Variants in TRAP1 observed in about 807,000 individuals in gnomAD.
The protein encoded by TRAP1 is TNF receptor associated protein 1, also known as heat shock protein 75 kDa, mitochondrial.
Under a neutral mutation model 89.1 loss-of-function variants are expected in TRAP1, and 102 were observed. The ratio of observed to expected loss-of-function variants is 1.15; its 90% CI spans 0.98 to 1.35. The LOEUF is 1.35. Among genes scored for constraint, TRAP1 ranks in the 40% most tolerant of loss-of-function variants. The pLI, the probability that TRAP1 is intolerant of heterozygous loss-of-function variation, is 0.00. For synonymous variants in TRAP1, 508 were observed against 388.0 expected, an observed-to-expected ratio of 1.31 and a Z score of -3.64; for missense variants, 1,256 against 945.3, an observed-to-expected ratio of 1.33 and a Z score of -4.31.
intron 16 of TRAP1, chr16:3,661,744 C>T (rs1033762832): frequency 2.1e-5 from 9 of 418,830 alleles, no homozygotes; most frequent in Non-Finnish European, 3.7e-5. Flanking sequence ...TAAAGCAAAA[C>T]GAGGACATGG....
chr16:3,675,027 G>C (rs534045245), intron 8 of TRAP1: 228 of 413,068 alleles, frequency 5.5e-4, no homozygotes, highest in Non-Finnish European at 9.2e-4. Flanking sequence ...CGGGGTGGCT[G>C]CACAGCTCTG....
intron 16 of TRAP1, chr16:3,661,037 T>G (rs2043045966): frequency 6.6e-6 from 1 of 152,158 alleles, no homozygotes; most frequent in African/African-American, 2.4e-5. Flanking sequence ...ACTTCATTTT[T>G]TAAAAAATTG....
chr16:3,697,855 C>A (rs1418815140), intron 1 of TRAP1, among the ~76,000 whole-genome samples: 1 of 150,646 alleles, frequency 6.6e-6, no homozygotes, highest in Non-Finnish European at 1.5e-5. Context: ...ATGGCGTGAT[C>A]TCGGCTCACT....
intron 1 of TRAP1, among the ~76,000 whole-genome samples, chr16:3,708,971 A>G (rs2051489068): frequency 6.6e-6 from 1 of 151,508 alleles, no homozygotes; most frequent in Admixed American, 6.6e-5. Flanking sequence ...GCCCGCCACC[A>G]TGCCCAGATA....
At chr16:3,664,163 G>T (rs761798323) in intron 13 of TRAP1, 111 bp downstream of exon 13, 36 of 1,219,878 alleles carry the variant, frequency 3.0e-5, no homozygotes, top group Non-Finnish European at 4.0e-5. Context: ...CTGACCCACT[G>T]TGCAGCCCTG....
chr16:3,695,536 G>GA (rs567047394), intron 1 of TRAP1, among the ~76,000 whole-genome samples: 1,393 of 74,286 alleles, frequency 0.019, 21 homozygotes, highest in Admixed American at 0.06. Context: ...ACTCTGTCTC[G>GA]AAAAAAAAAA....
chr16:3,682,628 G>T (rs1449143689), intron 4 of TRAP1, among the ~76,000 whole-genome samples: 1 of 152,092 alleles, frequency 6.6e-6, no homozygotes, highest in Non-Finnish European at 1.5e-5. Context: ...CCTGAGCTCA[G>T]ACAATCTGCC....
chr16:3,684,406 G>A (rs1219661569), intron 4 of TRAP1, among the ~76,000 whole-genome samples: 1 of 152,162 alleles, frequency 6.6e-6, no homozygotes, highest in Non-Finnish European at 1.5e-5. Flanking sequence ...CAGTAGATGA[G>A]ATGGAATGGC....
At chr16:3,694,008 A>G (rs572180530) in intron 1 of TRAP1, among the ~76,000 whole-genome samples, 48 of 152,070 alleles carry the variant, frequency 3.2e-4, no homozygotes, top group Admixed American at 7.2e-4. Flanking sequence ...CTCAAAAAAA[A>G]AAAAAAAAAG....
intron 16 of TRAP1, chr16:3,659,444 A>T (rs1213795030): frequency 1.3e-5 from 2 of 152,210 alleles, no homozygotes; most frequent in African/African-American, 4.8e-5. Flanking sequence ...GAAATGTTTC[A>T]TCATCTCAGA....
chr16:3,675,985 C>T lies in TRAP1; in HGVS notation c.814+51G>A, dbSNP rs1184856649. On this transcript the variant is annotated intron_variant, in intron 7 of 17. Transcript: ENST00000246957. ...AAAATGCCTGCTGACCTGGTGGCCT[C>T]CAGGCCACACATGGATCCCAGAGTG... The T allele has an allele frequency of 3.3e-6, 5 of 1,506,578 alleles. No individual in the cohort carries two copies. The Admixed American group carries it at 7.3e-5, about 22-fold the overall frequency. The allele number at this position is 1,506,578 out of a possible 1,614,324, so 93.3% of individuals were successfully genotyped here.
intron 4 of TRAP1, among the ~76,000 whole-genome samples, chr16:3,683,399 T>TC (rs2051098284): frequency 6.6e-6 from 1 of 151,828 alleles, no homozygotes; most frequent in South Asian, 2.1e-4. Flanking sequence ...TTTTTTTTTT[T>TC]TTTTGAGACG....
chr16:3,661,888 A>C lies in TRAP1; in HGVS notation c.1940+99T>G, dbSNP rs185540733. 116 of 1,424,432 alleles carry C rather than the reference A, an allele frequency of 8.1e-5. No individual in the cohort carries two copies. In the African/African-American group the frequency reaches 1.4e-3, roughly 17 times the overall value. The allele number at this position is 1,424,432 out of a possible 1,614,324, so 88.2% of individuals were successfully genotyped here. On this transcript the variant is annotated intron_variant, in intron 16 of 17. Transcript: ENST00000246957. ...AGTTACCCACATGTCCACAGGCCTC[A>C]CGCACTTTTCTTCTGTGTCACATTC...
rs577707137 is a variant in TRAP1, at chr16:3,675,259, G to A, written c.888+65C>T. The A allele has an allele frequency of 1.8e-4, 281 of 1,528,372 alleles. 3 individuals are homozygous for A. The Middle Eastern group carries it at 2.2e-3, about 12-fold the overall frequency. The allele number at this position is 1,528,372 out of a possible 1,614,324, so 94.7% of individuals were successfully genotyped here. On this transcript the variant is annotated intron_variant, in intron 8 of 17. Coordinates refer to ENST00000246957, the MANE Select transcript of TRAP1 (RefSeq NM_016292.3). Reference sequence around the variant, plus strand: ...CATCCCCTGGGCTCATCTCTTCTCCGCTGCCCTGAAACGTACAGATTTGTC... The same window carrying A: ...CATCCCCTGGGCTCATCTCTTCTCCACTGCCCTGAAACGTACAGATTTGTC...
chr16:3,663,449 C>T lies in TRAP1; in HGVS notation c.1683G>A (p.Glu561=), dbSNP rs1411551438. ...CTGGGGACCTGTCCTCAAACTTCTC[C>T]TCCTTGTAGTGATCCACGACTATGT... ...ETDIVVDHYK[E]EKFEDRSPAA... Residue 561 remains glutamate (E), a synonymous_variant, in exon 14 of 18, where the codon GAG becomes GAA. Transcript: ENST00000246957. 4.3e-6 allele frequency: 7 copies of T among 1,614,034 alleles called. No homozygotes were observed. Among genetic ancestry groups the T allele is most frequent in the South Asian group, 1.1e-5 (1 of 91,082 alleles).
chr16:3,708,410 G>T (rs137990287), intron 1 of TRAP1, among the ~76,000 whole-genome samples: 1 of 152,170 alleles, frequency 6.6e-6, no homozygotes, highest in African/African-American at 2.4e-5. Context: ...AGGCTGAGGC[G>T]GATGGATCAT....
chr16:3,708,558 A>G (rs2051482495), intron 1 of TRAP1, among the ~76,000 whole-genome samples: 1 of 151,866 alleles, frequency 6.6e-6, no homozygotes, highest in African/African-American at 2.4e-5. Context: ...AAATGCTTCA[A>G]CCTGGGAGAC....
At chr16:3,683,281 G>GA (rs1312540925) in intron 4 of TRAP1, among the ~76,000 whole-genome samples, 7 of 151,890 alleles carry the variant, frequency 4.6e-5, no homozygotes, top group Non-Finnish European at 8.8e-5. Flanking sequence ...TGCTGGGAGA[G>GA]AAAAAGGACA....
chr16:3,709,904 C>G (rs2051504634), intron 1 of TRAP1, among the ~76,000 whole-genome samples: 1 of 152,206 alleles, frequency 6.6e-6, no homozygotes, highest in Non-Finnish European at 1.5e-5. Context: ...CCCGCCTCAG[C>G]CTGCCAAAGT....
Sources: allele counts gnomAD v4.1 joint callset (sites outside exome capture counted in the v4.1 genomes callset), GRCh38; gene constraint gnomAD v4.1.1; transcripts MANE v1.5; gene names NCBI Gene and HGNC (gene_info 2026-07-23, HGNC 2026-07-21).